PCDH11X: variants seen among roughly 807,000 people sequenced by gnomAD.
The protein encoded by PCDH11X is protocadherin-11 X-linked.
A neutral mutation model predicts 53.3 loss-of-function variants in PCDH11X; 18 were observed. The ratio of observed to expected loss-of-function variants is 0.34; its 90% confidence interval spans 0.23 to 0.50. The LOEUF is 0.50. Ranked by LOEUF, PCDH11X falls within the 20% of genes least tolerant of loss-of-function variation. The pLI is 0.98. For synonymous variants in PCDH11X, 279 were observed against 393.3 expected, an observed-to-expected ratio of 0.71 and a Z score of 3.44; for missense variants, 570 against 1,032.4, an observed-to-expected ratio of 0.55 and a Z score of 6.14.
intron 6 of PCDH11X, among the ~76,000 whole-genome samples, chrX:92,016,681 G>A (rs2062799227): frequency 9.1e-6 from 1 of 109,957 alleles, no homozygotes. Flanking sequence ...TTGGCTGAAG[G>A]GAATGTTGCG....
At position 92,024,455 on chromosome X, in the gene PCDH11X, A is replaced by G. The variant is rs572034483; in HGVS notation, c.3033+145182A>G. 1.4e-4 allele frequency among the ~76,000 whole-genome samples: 16 copies of G among 110,739 alleles called. No individual in the cohort carries two copies. In the South Asian group the frequency reaches 6.1e-3, roughly 42 times the overall value. ...TAAAACACCTAGGAATACAGCTAAC[A>G]AGGGATATGAAGGATCTCTTCAAGG... is the stretch of plus-strand genomic sequence containing the variant. On this transcript the variant is annotated intron_variant, in intron 6 of 10. Transcript: ENST00000682573.
chrX:92,387,852 G>A lies in PCDH11X; in HGVS notation c.3262G>A (p.Gly1088Ser), dbSNP rs776502894. 8.3e-7 allele frequency: 1 copy of A among 1,211,415 alleles called. No individual in the cohort carries two copies. Among genetic ancestry groups the A allele is most frequent in the Non-Finnish European group, 1.1e-6 (1 of 895,391 alleles). Residue 1088 changes from glycine to serine, a missense_variant, in exon 9 of 11, where the codon GGC (glycine) becomes AGC (serine). By Grantham distance (56) the Gly-to-Ser change is moderately conservative. This residue lies in a region of PCDH11X where 234 missense variants were observed against 296.1 expected (regional missense o/e 0.79). Transcript: ENST00000682573. ...CAGCACATCTCATGGCCTGCCCCTT[G>A]GCTATCCTCAGGAGGAGTACTTTGA... ...LTSTSHGLPL[G>S]YPQEEYFDRA... is the part of the protein sequence containing the mutation.
At chrX:92,577,694 C>A (rs990379498) in intron 10 of PCDH11X, among the ~76,000 whole-genome samples, 15 of 111,249 alleles carry the variant, frequency 1.3e-4, no homozygotes, top group African/African-American at 4.3e-4. Flanking sequence ...GTGAAATGTT[C>A]TCTTAACATT....
chrX:92,599,062 G>A (rs1487782422), intron 10 of PCDH11X, among the ~76,000 whole-genome samples: 2 of 111,046 alleles, frequency 1.8e-5, no homozygotes, highest in Admixed American at 9.6e-5. Flanking sequence ...AAAGTGAGTG[G>A]GTGGCAGGGA....
chrX:91,901,925 T>A, intron 6 of PCDH11X, among the ~76,000 whole-genome samples: 1 of 111,522 alleles, frequency 9.0e-6, no homozygotes, highest in Admixed American at 9.6e-5. Flanking sequence ...TTGGGAAAGA[T>A]TCGTGGAAGA....
chrX:92,378,174 G>A (rs1208138508), intron 8 of PCDH11X, among the ~76,000 whole-genome samples: 2 of 100,722 alleles, frequency 2.0e-5, no homozygotes, highest in African/African-American at 7.2e-5. Flanking sequence ...AGATATTTTT[G>A]TGTAGATTTA....
At chrX:92,274,823 A>G (rs1218202035) in intron 8 of PCDH11X, among the ~76,000 whole-genome samples, 1 of 110,499 alleles carries the variant, frequency 9.0e-6, no homozygotes, top group Non-Finnish European at 1.9e-5. Flanking sequence ...ACTGCCATCA[A>G]TAAATCAAGC....
At chrX:92,179,099 G>T (rs1346623751) in intron 6 of PCDH11X, among the ~76,000 whole-genome samples, 1 of 111,923 alleles carries the variant, frequency 8.9e-6, no homozygotes, top group African/African-American at 3.2e-5. Flanking sequence ...TATGCTCAAA[G>T]AAGTCAGAAG....
chrX:92,079,680 A>G, intron 6 of PCDH11X, among the ~76,000 whole-genome samples: 1 of 111,834 alleles, frequency 8.9e-6, no homozygotes, highest in Non-Finnish European at 1.9e-5. Context: ...CCCTAGGAGC[A>G]ATGTTTTAGT....
chrX:92,240,146 A>G (rs903487138), intron 7 of PCDH11X, among the ~76,000 whole-genome samples: 1 of 111,513 alleles, frequency 9.0e-6, no homozygotes, highest in Admixed American at 9.6e-5. Context: ...ATTAAGGAGG[A>G]CTGTGGTCCT....
intron 8 of PCDH11X, among the ~76,000 whole-genome samples, chrX:92,313,253 G>A (rs1198265256): frequency 3.6e-5 from 4 of 110,644 alleles, no homozygotes; most frequent in South Asian, 3.9e-4. Flanking sequence ...CAGGGACATT[G>A]CAATGTACTA....
intron 1 of PCDH11X, among the ~76,000 whole-genome samples, chrX:91,781,290 T>A (rs980385828): frequency 1.2e-4 from 13 of 106,548 alleles, no homozygotes; most frequent in African/African-American, 3.8e-4. Context: ...AAGAAACTGG[T>A]TGAAAATCCG....
chrX:92,432,837 C>G (rs954685322), intron 9 of PCDH11X, among the ~76,000 whole-genome samples: 1 of 108,287 alleles, frequency 9.2e-6, no homozygotes, highest in Non-Finnish European at 1.9e-5. Context: ...ACAGGAAAAC[C>G]TAGTGAACAA....
rs191376622 is a variant in PCDH11X at position 92,046,137 on chromosome X, T to C, written c.3034-155238T>C. ...TCCAATTCTATCTAGTGATATCATG[T>C]TGTTAGCTTGAAACAGGAAATAGTG... On this transcript the variant is annotated intron_variant, in intron 6 of 10. Transcript: ENST00000682573. Among the ~76,000 whole-genome samples the C allele has an allele frequency of 2.0e-3, 219 of 111,543 alleles. 1 individual carries two copies. The highest frequency in any genetic ancestry group is 6.7e-3 in the African/African-American group (206 of 30,718).
intron 7 of PCDH11X, among the ~76,000 whole-genome samples, chrX:92,215,089 G>C (rs2066667843): frequency 9.0e-6 from 1 of 111,281 alleles, no homozygotes; most frequent in East Asian, 2.9e-4. Context: ...GGCCGAATAG[G>C]AACAGCTCCG....
intron 6 of PCDH11X, among the ~76,000 whole-genome samples, chrX:92,174,433 G>A (rs2065873469): frequency 9.0e-6 from 1 of 111,014 alleles, no homozygotes; most frequent in Non-Finnish European, 1.9e-5. Flanking sequence ...TAATGTTAAC[G>A]GGAAAACAGG....
At chrX:92,451,098 A>G (rs902468096) in intron 9 of PCDH11X, among the ~76,000 whole-genome samples, 7 of 109,802 alleles carry the variant, frequency 6.4e-5, no homozygotes, top group Admixed American at 4.9e-4. Flanking sequence ...ACAACTTACC[A>G]TTGTATTTAC....
intron 6 of PCDH11X, among the ~76,000 whole-genome samples, chrX:91,961,980 T>G (rs1047224641): frequency 1.8e-5 from 2 of 109,510 alleles, no homozygotes; most frequent in African/African-American, 6.7e-5. Flanking sequence ...ACCCCCATTA[T>G]TAAATTACCT....
intron 6 of PCDH11X, among the ~76,000 whole-genome samples, chrX:92,149,025 G>A (rs2065381605): frequency 9.0e-6 from 1 of 111,221 alleles, no homozygotes; most frequent in African/African-American, 3.3e-5. Flanking sequence ...TAGTTTTGAT[G>A]TTGCTGAAAA....
Sources: allele counts gnomAD v4.1 joint callset (sites outside exome capture counted in the v4.1 genomes callset), GRCh38; gene constraint gnomAD v4.1.1; regional missense constraint gnomAD v4.1.1; transcripts MANE v1.5; gene names NCBI Gene and HGNC (gene_info 2026-07-23, HGNC 2026-07-21).